Variants in GIPC3 observed in about 807,000 individuals in gnomAD.
GIPC3 encodes the protein GIPC PDZ domain containing family member 3.
Under a neutral mutation model 27.3 loss-of-function variants are expected in GIPC3, and 16 were observed. That is an observed-to-expected ratio of 0.59 (90% CI 0.40 to 0.89). The LOEUF (loss-of-function observed/expected upper bound fraction) is 0.89. Ranked by LOEUF, GIPC3 falls within the 40% of genes least tolerant of loss-of-function variation. GIPC3 has a pLI of 0.00. For synonymous variants in GIPC3, 194 were observed against 184.6 expected, an observed-to-expected ratio of 1.05 and a Z score of -0.41; for missense variants, 440 against 442.1, an observed-to-expected ratio of 1.00 and a Z score of 0.04.
chr19:3,585,575 T>G lies in GIPC3; in HGVS notation c.-23T>G. On this transcript the variant is annotated 5_prime_UTR_variant, in exon 1 of 6. Coordinates refer to ENST00000644452, the MANE Select transcript of GIPC3 (RefSeq NM_133261.3). ...CCGGCGGCGGCGGCGAGGGCCCGGG[T>G]GGGTGGCCGAACTTCTCCCGCCATG... 4.4e-6 allele frequency: 5 copies of G among 1,143,970 alleles called. No homozygotes were observed. The highest frequency in any genetic ancestry group is 5.4e-6 in the Non-Finnish European group (5 of 932,434). 70.9% of individuals were successfully genotyped at this position (1,143,970 alleles called of 1,614,324 possible).
Position 3,591,480 on chromosome 19 carries a change from G to C in GIPC3, c.*1290G>C, listed in dbSNP as rs1334991603. The C allele has an allele frequency of 4.1e-6, 5 of 1,232,334 alleles. No individual in the cohort carries two copies. In the East Asian group the frequency reaches 1.3e-4, roughly 31 times the overall value. The allele number at this position is 1,232,334 out of a possible 1,614,324, so 76.3% of individuals were successfully genotyped here. A position where few individuals can be genotyped will look rare whatever the true frequency, so the allele number is the denominator to read the frequency against. ...CAGCTCCACGATGCAGCCACACCTG[G>C]ACACTCGGTCTAGCTCCGGAACCCC... On this transcript the variant is annotated 3_prime_UTR_variant, in exon 6 of 6. Coordinates refer to ENST00000644452, the MANE Select transcript of GIPC3 (RefSeq NM_133261.3).
At position 3,589,637 on chromosome 19, in the gene GIPC3, TCTC is replaced by T. The variant is rs970656056; in HGVS notation, c.705+86_705+88del. 8 of 1,286,026 alleles carry T rather than the reference TCTC, an allele frequency of 6.2e-6. No individual in the cohort carries two copies. In the East Asian group the frequency reaches 7.0e-5, roughly 11 times the overall value. The allele number at this position is 1,286,026 out of a possible 1,614,324, so 79.7% of individuals were successfully genotyped here. On this transcript the variant is annotated intron_variant, in intron 4 of 5. Transcript: ENST00000644452. ...GTCAGTGCGGTCTTGGGTAAGAACT[TCTC>T]CTCGGAGCCTCAGTTTCTCTGCCTG...
rs1305795387 is a variant in GIPC3, at chr19:3,591,601, A to G, written c.*1411A>G. 2 of 1,232,380 alleles carry G rather than the reference A, an allele frequency of 1.6e-6. No homozygotes were observed. Among genetic ancestry groups the G allele is most frequent in the African/African-American group, 3.1e-5 (2 of 64,302 alleles). The allele number at this position is 1,232,380 out of a possible 1,614,324, so 76.3% of individuals were successfully genotyped here. A position where few individuals can be genotyped will look rare whatever the true frequency, so the allele number is the denominator to read the frequency against. On this transcript the variant is annotated 3_prime_UTR_variant, in exon 6 of 6. Coordinates refer to ENST00000644452, the MANE Select transcript of GIPC3 (RefSeq NM_133261.3). ...AGAGACAGCTCCCAAATCAAATCCTATTCAAGAACTCAGACCAGCTCAGAA... is the reference window on the plus strand; with the variant it reads ...AGAGACAGCTCCCAAATCAAATCCTGTTCAAGAACTCAGACCAGCTCAGAA...
chr19:3,591,813 T>C lies in GIPC3; in HGVS notation c.*1623T>C. On this transcript the variant is annotated 3_prime_UTR_variant, in exon 6 of 6. Transcript: ENST00000644452. ...GATTCAGACCAGCTCTGGAACCCCATCCATCTTGGAAGCAAGACCCAGCTC... is the reference window on the plus strand; with the variant it reads ...GATTCAGACCAGCTCTGGAACCCCACCCATCTTGGAAGCAAGACCCAGCTC... The C allele has an allele frequency of 1.6e-6, 2 of 1,233,460 alleles. No homozygotes were observed. The highest frequency in any genetic ancestry group is 4.1e-5 in the South Asian group (1 of 24,372). 76.4% of individuals were successfully genotyped at this position (1,233,460 alleles called of 1,614,324 possible).
chr19:3,586,868 A>T lies in GIPC3; in HGVS notation c.466A>T (p.Ser156Cys). The change falls in exon 3 of 6, where the codon AGC becomes TGC. Residue 156 changes from serine to cysteine, a missense_variant. Ser to Cys is a moderately radical substitution (Grantham distance 112). Transcript: ENST00000644452. The part of the protein sequence containing the change: ...NRIEAVCVGD[S>C]IEAINDHSIV... ...GATCGAGGCAGTGTGCGTGGGTGAC[A>T]GCATCGAAGCCATCAACGACCACTC... The T allele has an allele frequency of 6.2e-7, 1 of 1,613,548 alleles. No homozygotes were observed. Among genetic ancestry groups the T allele is most frequent in the Non-Finnish European group, 8.5e-7 (1 of 1,179,998 alleles).
In GIPC3 at chr19:3,586,954, GCC is replaced by G; in HGVS notation, c.554_555del (p.Pro185LeufsTer53). On this transcript the variant is annotated frameshift_variant, in exon 3 of 6. Coordinates refer to ENST00000644452, the MANE Select transcript of GIPC3 (RefSeq NM_133261.3). LOFTEE classifies it high-confidence loss of function. ...TGCTCCGGGAGCTGCCCAAGTCCCA[GCC>G]CTTCACCCTGCGCCTGGTGCAGCCC... ...KMLRELPKSQ[P>X]FTLRLVQPKR... 6.2e-7 allele frequency: 1 copy of G among 1,613,144 alleles called. No homozygotes were observed. The highest frequency in any genetic ancestry group is 8.5e-7 in the Non-Finnish European group (1 of 1,179,948).
In GIPC3 at chr19:3,592,974, C is replaced by A; in HGVS notation, c.*2784C>A. 2 of 1,224,572 alleles carry A rather than the reference C, an allele frequency of 1.6e-6. No homozygotes were observed. Among genetic ancestry groups the A allele is most frequent in the East Asian group, 3.2e-5 (1 of 31,624 alleles). The allele number at this position is 1,224,572 out of a possible 1,614,324, so 75.9% of individuals were successfully genotyped here. A position where few individuals can be genotyped will look rare whatever the true frequency, so the allele number is the denominator to read the frequency against. Reference sequence around the variant, plus strand: ...CCCCACCCCAGCCCCTAGCAAAGACCCCCAGCCTCTGCCTCAGCCCCATGA... The same window carrying A: ...CCCCACCCCAGCCCCTAGCAAAGACACCCAGCCTCTGCCTCAGCCCCATGA... On this transcript the variant is annotated 3_prime_UTR_variant, in exon 6 of 6. Coordinates refer to ENST00000644452, the MANE Select transcript of GIPC3 (RefSeq NM_133261.3).
chr19:3,591,991 A>G lies in GIPC3; in HGVS notation c.*1801A>G, dbSNP rs1350258943. The stretch of plus-strand genomic sequence containing the variant: ...AGCACCGCACCCAGCTCTGGAACTC[A>G]GCTCAGTTCTGGAGCACAGGCTGGT... On this transcript the variant is annotated 3_prime_UTR_variant, in exon 6 of 6. Transcript: ENST00000644452. 2.4e-6 allele frequency: 3 copies of G among 1,232,010 alleles called. No homozygotes were observed. The African/African-American group carries it at 4.7e-5, about 19-fold the overall frequency. 76.3% of individuals were successfully genotyped at this position (1,232,010 alleles called of 1,614,324 possible).
At position 3,586,657 on chromosome 19, in the gene GIPC3, G is replaced by T; in HGVS notation, c.388G>T (p.Gly130Trp). ...DALGLTITDNGAGYAFIKRIK... is the reference protein window; with the variant it reads ...DALGLTITDNWAGYAFIKRIK... ...TCTGGGGCTGACCATCACGGACAAC[G>T]GGGCTGGCTACGCCTTCATCAAGGT... The change falls in exon 2 of 6, where the codon GGG (glycine) becomes TGG (tryptophan). Residue 130 changes from glycine (G) to tryptophan (W), a missense_variant. By Grantham distance (184) the Gly-to-Trp change is radical (BLOSUM62 -2). Coordinates refer to ENST00000644452, the MANE Select transcript of GIPC3 (RefSeq NM_133261.3). The T allele has an allele frequency of 6.2e-7, 1 of 1,612,798 alleles. No individual in the cohort carries two copies. The highest frequency in any genetic ancestry group is 8.5e-7 in the Non-Finnish European group (1 of 1,179,484).
At chr19:3,586,760 G>C in intron 2 of GIPC3, 54 bp from the exon 3 acceptor site, 5 of 1,612,140 alleles carry the variant, frequency 3.1e-6, no homozygotes, top group Non-Finnish European at 4.2e-6. Flanking sequence ...TGGGTTCTGC[G>C]GATTGGAGGC....
At position 3,589,596 on chromosome 19, in the gene GIPC3, T is replaced by G. The variant is rs377456923; in HGVS notation, c.705+41T>G. On this transcript the variant is annotated intron_variant, in intron 4 of 5. Coordinates refer to ENST00000644452, the MANE Select transcript of GIPC3 (RefSeq NM_133261.3). ...GGGCTCTCCCCAGGCTTCTGCACCT[T>G]CAGCTCCTCCACTGAGTCAGTGCGG... 2.8e-5 allele frequency: 42 copies of G among 1,511,668 alleles called. 1 individual carries two copies. In the African/African-American group the frequency reaches 3.7e-4, roughly 13 times the overall value. The allele number at this position is 1,511,668 out of a possible 1,614,324, so 93.6% of individuals were successfully genotyped here.
At chr19:3,587,816 G>C (rs1207469025) in intron 3 of GIPC3, among the ~76,000 whole-genome samples, 1 of 145,880 alleles carries the variant, frequency 6.9e-6, no homozygotes, top group Non-Finnish European at 1.5e-5. Context: ...TCAGCCTCCC[G>C]AGTAGCTGGG....
Position 3,587,771 on chromosome 19 carries a change from A to G in GIPC3, c.592+777A>G, listed in dbSNP as rs1316011278. ...AGTGGCTAGATTTCAGCTCACTGCA[A>G]GCTCCGCCTCCCGGGTTCACACCAT... On this transcript the variant is annotated intron_variant, in intron 3 of 5. Coordinates refer to ENST00000644452, the MANE Select transcript of GIPC3 (RefSeq NM_133261.3). 6.5e-5 allele frequency among the ~76,000 whole-genome samples: 9 copies of G among 137,444 alleles called. No homozygotes were observed. The East Asian group carries it at 1.3e-3, about 19-fold the overall frequency. The allele number at this position is 137,444 out of a possible 152,430, so 90.2% of individuals were successfully genotyped here.
chr19:3,591,565 G>A lies in GIPC3; in HGVS notation c.*1375G>A. On this transcript the variant is annotated 3_prime_UTR_variant, in exon 6 of 6. Transcript: ENST00000644452. Reference sequence around the variant, plus strand: ...CAGCCCAGCTCTGGAACCCCAGTCAGCTCAGGATTCAGAGACAGCTCCCAA... The same window carrying A: ...CAGCCCAGCTCTGGAACCCCAGTCAACTCAGGATTCAGAGACAGCTCCCAA... The A allele has an allele frequency of 8.1e-7, 1 of 1,232,804 alleles. No homozygotes were observed. Among genetic ancestry groups the A allele is most frequent in the Non-Finnish European group, 1.0e-6 (1 of 988,744 alleles). The allele number at this position is 1,232,804 out of a possible 1,614,324, so 76.4% of individuals were successfully genotyped here.
rs1599865966 is a variant in GIPC3, at chr19:3,591,723, T to G, written c.*1533T>G. ...AGCCCAGTCCAGCTCCAGTGATGAT[T>G]CCAGCTCTGAGACTGAGCCCAGCTC... is the stretch of plus-strand genomic sequence containing the variant. On this transcript the variant is annotated 3_prime_UTR_variant, in exon 6 of 6. Transcript: ENST00000644452. 5.7e-6 allele frequency: 7 copies of G among 1,232,676 alleles called. No individual in the cohort carries two copies. The East Asian group carries it at 2.2e-4, about 39-fold the overall frequency. The allele number at this position is 1,232,676 out of a possible 1,614,324, so 76.4% of individuals were successfully genotyped here.
chr19:3,590,401 AG>A lies in GIPC3; in HGVS notation c.*212del. On this transcript the variant is annotated 3_prime_UTR_variant, in exon 6 of 6. Coordinates refer to ENST00000644452, the MANE Select transcript of GIPC3 (RefSeq NM_133261.3). Reference sequence around the variant, plus strand: ...TGTGCTAGAGCCCAGGCCAGCTCTGAGACCAAGCCCAGCATTGAGAATAAGC... The same window carrying A: ...TGTGCTAGAGCCCAGGCCAGCTCTGAACCAAGCCCAGCATTGAGAATAAGC... The A allele has an allele frequency of 7.0e-7, 1 of 1,433,026 alleles. No individual in the cohort carries two copies. Among genetic ancestry groups the A allele is most frequent in the Non-Finnish European group, 9.1e-7 (1 of 1,098,042 alleles). The allele number at this position is 1,433,026 out of a possible 1,614,324, so 88.8% of individuals were successfully genotyped here.
Position 3,592,949 on chromosome 19 carries a change from C to T in GIPC3, c.*2759C>T. 1 of 1,106,984 alleles carries T rather than the reference C, an allele frequency of 9.0e-7. No homozygotes were observed. The highest frequency in any genetic ancestry group is 4.6e-5 in the South Asian group (1 of 21,594). The allele number at this position is 1,106,984 out of a possible 1,614,324, so 68.6% of individuals were successfully genotyped here. Reference sequence around the variant, plus strand: ...AGCCCCCAGGCCCATCCCCCAGAGACCCCACCCCAGCCCCTAGCAAAGACC... The same window carrying T: ...AGCCCCCAGGCCCATCCCCCAGAGATCCCACCCCAGCCCCTAGCAAAGACC... On this transcript the variant is annotated 3_prime_UTR_variant, in exon 6 of 6. Transcript: ENST00000644452.
Position 3,586,638 on chromosome 19 carries a change from G to A in GIPC3, c.369G>A (p.Gly123=), listed in dbSNP as rs377455019. The change falls in exon 2 of 6, where the codon GGG becomes GGA. Residue 123 remains glycine, a synonymous_variant. Transcript: ENST00000644452. ...VEVTKTEDAL[G]LTITDNGAGY... Reference sequence around the variant, plus strand: ...TCACTAAGACAGAGGATGCTCTGGGGCTGACCATCACGGACAACGGGGCTG... The same window carrying A: ...TCACTAAGACAGAGGATGCTCTGGGACTGACCATCACGGACAACGGGGCTG... 1 of 1,613,074 alleles carries A rather than the reference G, an allele frequency of 6.2e-7. No individual in the cohort carries two copies. Among genetic ancestry groups the A allele is most frequent in the Non-Finnish European group, 8.5e-7 (1 of 1,179,782 alleles).
Position 3,586,795 on chromosome 19 carries a change from C to A in GIPC3, c.412-19C>A, listed in dbSNP as rs764731510. Reference sequence around the variant, plus strand: ...CGGGTGGCTGGGGTTGCCCTGCCAGCGACGCTGGATCCCTGCAGAGAATCA... The same window carrying A: ...CGGGTGGCTGGGGTTGCCCTGCCAGAGACGCTGGATCCCTGCAGAGAATCA... On this transcript the variant is annotated intron_variant, in intron 2 of 5. Transcript: ENST00000644452. 1.2e-6 allele frequency: 2 copies of A among 1,612,950 alleles called. No individual in the cohort carries two copies.
Sources: allele counts gnomAD v4.1 joint callset (sites outside exome capture counted in the v4.1 genomes callset), GRCh38; gene constraint gnomAD v4.1.1; transcripts MANE v1.5; gene names NCBI Gene and HGNC (gene_info 2026-07-23, HGNC 2026-07-21).